Variants in AP4S1 observed in about 807,000 individuals in gnomAD.
AP4S1 encodes AP-4 complex subunit sigma-1.
In AP4S1, 23 loss-of-function variants were observed where a neutral mutation model predicts 19.8. The observed-to-expected ratio is 1.16, with a 90% CI of 0.84 to 1.65. The LOEUF (loss-of-function observed/expected upper bound fraction) is 1.65, where lower values mean the gene tolerates loss of function less well. AP4S1 is among the 40% of genes most tolerant of loss of function. AP4S1 has a pLI of 0.00. For missense variants in AP4S1, 166 were observed against 172.8 expected, an observed-to-expected ratio of 0.96 and a Z score of 0.22; for synonymous variants, 46 against 54.1, an observed-to-expected ratio of 0.85 and a Z score of 0.66.
chr14:31,079,064 A>G (rs1319754535), intron 4 of AP4S1, among the ~76,000 whole-genome samples: 1 of 152,180 alleles, frequency 6.6e-6, no homozygotes, highest in Non-Finnish European at 1.5e-5. Context: ...TTTTTAAAAC[A>G]AAAAACCAAC....
chr14:31,029,980 CT>C (rs1038052868), intron 1 of AP4S1, among the ~76,000 whole-genome samples: 67 of 146,830 alleles, frequency 4.6e-4, no homozygotes, highest in East Asian at 1.2e-3. Flanking sequence ...TTTCTTTAAT[CT>C]TTTTTTTTTT....
chr14:31,062,745 A>G lies in AP4S1; in HGVS notation c.-71-3381A>G, dbSNP rs555447913. Among the ~76,000 whole-genome samples, 4 of 151,664 alleles carry G rather than the reference A, an allele frequency of 2.6e-5. No homozygotes were observed. In the East Asian group the frequency reaches 7.9e-4, roughly 30 times the overall value. ...CACTGTGGGAGGCCAAGGTAGGCGG[A>G]TCACGAGGTCAGGAGATCAAGACCA... On this transcript the variant is annotated intron_variant, in intron 1 of 5. Coordinates refer to ENST00000542754, the MANE Select transcript of AP4S1 (RefSeq NM_001128126.3).
intron 1 of AP4S1, chr14:31,026,082 T>C: frequency 6.5e-7 from 1 of 1,529,752 alleles, no homozygotes; most frequent in East Asian, 2.6e-5. Context: ...CGCCGCTCCG[T>C]TCCCCCCGGG....
At chr14:31,077,739 C>CTTTTTTTT (rs71112379) in intron 4 of AP4S1, among the ~76,000 whole-genome samples, 3 of 135,230 alleles carry the variant, frequency 2.2e-5, no homozygotes, top group Non-Finnish European at 3.2e-5. Flanking sequence ...TTTCTTTTTT[C>CTTTTTTTT]TTTTTTTTTT....
chr14:31,042,979 G>A (rs1243688185), intron 1 of AP4S1, among the ~76,000 whole-genome samples: 1 of 152,122 alleles, frequency 6.6e-6, no homozygotes, highest in Non-Finnish European at 1.5e-5. Flanking sequence ...CCAGCACTTT[G>A]GGAAGCCCAG....
chr14:31,051,654 G>T (rs369309627), intron 1 of AP4S1, among the ~76,000 whole-genome samples: 2 of 152,052 alleles, frequency 1.3e-5, no homozygotes, highest in Non-Finnish European at 2.9e-5. Context: ...CAGAGTTTGC[G>T]TATTCAATTT....
chr14:31,063,126 A>G (rs1229312543), intron 1 of AP4S1, among the ~76,000 whole-genome samples: 6 of 151,730 alleles, frequency 4.0e-5, no homozygotes, highest in Non-Finnish European at 7.4e-5. Context: ...TGAGACCCCC[A>G]TCTCTACAAA....
intron 1 of AP4S1, among the ~76,000 whole-genome samples, chr14:31,044,576 C>T (rs1885285260): frequency 6.6e-6 from 1 of 151,548 alleles, no homozygotes; most frequent in Non-Finnish European, 1.5e-5. Context: ...TCAAACTCCC[C>T]AGCTCAAGCA....
intron 1 of AP4S1, chr14:31,027,327 A>G (rs922945413): frequency 2.6e-5 from 4 of 152,198 alleles, no homozygotes; most frequent in African/African-American, 7.2e-5. Flanking sequence ...TGTGAGTACA[A>G]CTTAAAATCC....
At chr14:31,068,571 A>G (rs1886846872) in intron 2 of AP4S1, among the ~76,000 whole-genome samples, 2 of 152,224 alleles carry the variant, frequency 1.3e-5, no homozygotes, top group Non-Finnish European at 2.9e-5. Context: ...AAAAGTAAAT[A>G]CTCTTAGAAG....
chr14:31,066,053 A>C, intron 1 of AP4S1, 73 bp from the exon 2 acceptor site: 1 of 722,720 alleles, frequency 1.4e-6, no homozygotes, highest in South Asian at 1.9e-5. Flanking sequence ...CTGTTTATCT[A>C]TAAAAACATT....
intron 5 of AP4S1, chr14:31,085,393 T>C (rs2139118011): frequency 2.0e-6 from 2 of 988,914 alleles, no homozygotes; most frequent in East Asian, 1.1e-4. Flanking sequence ...CTGGAGTCTC[T>C]ACTTTGTATT....
rs75810499 is a variant in AP4S1, at chr14:31,090,053, G to C, written c.307-2854G>C. On this transcript the variant is annotated intron_variant, in intron 5 of 5. Transcript: ENST00000542754. ...GCCCAGACTGGAGTGCAGTGGCACA[G>C]TTTTGGCTCTCTGCAACCTCCGCCT... 2.1e-3 allele frequency among the ~76,000 whole-genome samples: 313 copies of C among 152,284 alleles called. 1 individual carries two copies. Among genetic ancestry groups the C allele is most frequent in the African/African-American group, 6.9e-3 (285 of 41,566 alleles).
At chr14:31,028,618 C>CACAG (rs1555328898) in intron 1 of AP4S1, among the ~76,000 whole-genome samples, 16 of 151,636 alleles carry the variant, frequency 1.1e-4, no homozygotes, top group Admixed American at 2.6e-4. Context: ...CACACACACA[C>CACAG]AGAGACATTT....
chr14:31,074,141 A>C (rs538900721), intron 4 of AP4S1, among the ~76,000 whole-genome samples: 2 of 150,968 alleles, frequency 1.3e-5, no homozygotes, highest in African/African-American at 4.9e-5. Context: ...GCTGGCCAAA[A>C]TGGTGAAACC....
At chr14:31,041,391 C>T (rs933256781) in intron 1 of AP4S1, among the ~76,000 whole-genome samples, 32 of 152,226 alleles carry the variant, frequency 2.1e-4, no homozygotes, top group Middle Eastern at 3.4e-3. Flanking sequence ...CTCAGGTATC[C>T]GCCTGCCTCG....
intron 4 of AP4S1, among the ~76,000 whole-genome samples, chr14:31,077,410 G>C (rs1428835435): frequency 6.6e-6 from 1 of 152,292 alleles, no homozygotes; most frequent in East Asian, 1.9e-4. Flanking sequence ...TAGGTCTTCA[G>C]CCCACCTCCT....
rs569232554 is a variant in AP4S1 at position 31,035,137 on chromosome 14, C to CT, written c.-72+9358dup. Among the ~76,000 whole-genome samples, 15 of 143,634 alleles carry CT rather than the reference C, an allele frequency of 1.0e-4. No homozygotes were observed. In the South Asian group the frequency reaches 1.1e-3, roughly 11 times the overall value. 94.2% of individuals were successfully genotyped at this position (143,634 alleles called of 152,430 possible). ...TTTAACAGATTAGGAGTTTTTGCTT[C>CT]TTTTTTTTAGCAAAACACCATACCA... On this transcript the variant is annotated intron_variant, in intron 1 of 5. Coordinates refer to ENST00000542754, the MANE Select transcript of AP4S1 (RefSeq NM_001128126.3).
chr14:31,034,471 G>C (rs993073625), intron 1 of AP4S1, among the ~76,000 whole-genome samples: 1 of 151,918 alleles, frequency 6.6e-6, no homozygotes, highest in Non-Finnish European at 1.5e-5. Context: ...CTTTTTTTGG[G>C]GGGGAAACAA....
Sources: gnomAD v4.1 joint callset for allele counts (sites outside exome capture counted in the v4.1 genomes callset) on GRCh38, gnomAD v4.1.1 for gene constraint, MANE v1.5 for transcripts, NCBI Gene and HGNC (gene_info 2026-07-23, HGNC 2026-07-21) for gene names.